Variants in LARP4 observed in about 807,000 individuals in gnomAD.
LARP4 encodes la-related protein 4.
A neutral mutation model predicts 92.9 loss-of-function variants in LARP4; 29 were observed. That is an observed-to-expected ratio of 0.31 (90% CI 0.23 to 0.43). The LOEUF is 0.43. Ranked by LOEUF, LARP4 falls within the 20% of genes least tolerant of loss-of-function variation. The pLI, the probability that LARP4 is intolerant of heterozygous loss-of-function variation, is 1.00. For missense variants in LARP4, 732 were observed against 860.0 expected, an observed-to-expected ratio of 0.85 and a Z score of 1.86; for synonymous variants, 279 against 284.1, an observed-to-expected ratio of 0.98 and a Z score of 0.18.
intron 4 of LARP4, 83 bp downstream of exon 4, chr12:50,430,653 TTA>T (rs1949511036): frequency 2.6e-6 from 2 of 781,256 alleles, no homozygotes; most frequent in African/African-American, 3.6e-5. Flanking sequence ...TGATTATTAT[TTA>T]ACTAATTTTT....
intron 1 of LARP4, among the ~76,000 whole-genome samples, chr12:50,427,060 A>G (rs1948909764): frequency 1.3e-5 from 2 of 152,074 alleles, no homozygotes; most frequent in African/African-American, 4.8e-5. Flanking sequence ...CTTAAATGGC[A>G]CTATTTAAAG....
chr12:50,458,260 CT>C (rs1471147841), intron 10 of LARP4, among the ~76,000 whole-genome samples: 4 of 151,816 alleles, frequency 2.6e-5, no homozygotes, highest in Admixed American at 6.6e-5. Flanking sequence ...ATAATTTTAT[CT>C]TTGTTTTTGT....
intron 8 of LARP4, among the ~76,000 whole-genome samples, chr12:50,453,197 G>T (rs1326974315): frequency 1.3e-5 from 2 of 151,542 alleles, no homozygotes; most frequent in African/African-American, 2.4e-5. Context: ...TTACAGGTGT[G>T]AGCCAGCACA....
In LARP4 at chr12:50,475,735, T is replaced by C. The variant is rs115165925; in HGVS notation, c.2046T>C (p.Asn682=). Residue 682 remains asparagine (N), a synonymous_variant, in exon 16 of 16, where the codon AAT becomes AAC. Transcript: ENST00000398473. ...ASKDYSGFRG[N]IIPRGAAGKI... ...AGGATTATTCTGGCTTCCGAGGCAA[T>C]ATAATCCCCAGGGGAGCAGCAGGAA... 4,912 of 1,613,930 alleles carry C rather than the reference T, an allele frequency of 3.0e-3. 115 individuals are homozygous for C. In the African/African-American group the frequency reaches 0.045, roughly 15 times the overall value.
intron 4 of LARP4, among the ~76,000 whole-genome samples, chr12:50,433,681 G>A (rs1258019519): frequency 2.0e-5 from 3 of 147,176 alleles, no homozygotes; most frequent in Admixed American, 6.9e-5. Flanking sequence ...ACTCTATTGC[G>A]TAGGCTGGAG....
At chr12:50,446,670 G>T (rs568035035) in intron 8 of LARP4, among the ~76,000 whole-genome samples, 1 of 150,408 alleles carries the variant, frequency 6.6e-6, no homozygotes, top group African/African-American at 2.5e-5. Flanking sequence ...CTTGTGATCC[G>T]CCCGCCTCAG....
Position 50,479,521 on chromosome 12 carries a change from T to A in LARP4, c.*3657T>A, listed in dbSNP as rs1477421003. On this transcript the variant is annotated 3_prime_UTR_variant, in exon 16 of 16. Coordinates refer to ENST00000398473, the MANE Select transcript of LARP4 (RefSeq NM_052879.5). The stretch of plus-strand genomic sequence containing the variant: ...AGCTGAATGAGGATATTTTAAGAAG[T>A]TGAAAGAGAATTTATTTTCAAGTTG... The A allele has an allele frequency of 6.6e-6, 1 of 152,182 alleles. No individual in the cohort carries two copies. Among genetic ancestry groups the A allele is most frequent in the Admixed American group, 6.6e-5 (1 of 15,266 alleles). 9.4% of individuals were successfully genotyped at this position (152,182 alleles called of 1,614,324 possible).
chr12:50,425,571 G>A (rs967468895), intron 1 of LARP4, among the ~76,000 whole-genome samples: 3 of 152,180 alleles, frequency 2.0e-5, no homozygotes, highest in African/African-American at 7.2e-5. Context: ...AAATTATGCT[G>A]TACCCAAAGA....
chr12:50,471,257 A>G (rs565507376), intron 13 of LARP4, among the ~76,000 whole-genome samples: 11 of 152,352 alleles, frequency 7.2e-5, no homozygotes, highest in African/African-American at 2.6e-4. Flanking sequence ...CTAGGTGATA[A>G]AACGGGGTGC....
intron 8 of LARP4, among the ~76,000 whole-genome samples, chr12:50,447,778 G>A (rs1345242602): frequency 6.6e-6 from 1 of 152,002 alleles, no homozygotes; most frequent in African/African-American, 2.4e-5. Flanking sequence ...TCAAACTCCT[G>A]ACTCAAGTGA....
At chr12:50,447,858 T>A (rs58097418) in intron 8 of LARP4, among the ~76,000 whole-genome samples, 17,473 of 150,910 alleles carry the variant, frequency 0.12, 1,854 homozygotes, top group African/African-American at 0.28. Flanking sequence ...TCCGCACCAC[T>A]CCCCCCCCAT....
intron 4 of LARP4, among the ~76,000 whole-genome samples, chr12:50,431,769 CG>C (rs1173404904): frequency 6.6e-6 from 1 of 152,092 alleles, no homozygotes; most frequent in Admixed American, 6.6e-5. Context: ...TCACTTGAAC[CG>C]GGGAGGTAGA....
intron 1 of LARP4, among the ~76,000 whole-genome samples, chr12:50,418,644 C>T (rs949324428): frequency 1.2e-4 from 18 of 152,062 alleles, no homozygotes; most frequent in African/African-American, 3.9e-4. Flanking sequence ...TGGTCTCGAA[C>T]TCCTGAGCTC....
chr12:50,478,050 T>C lies in LARP4; in HGVS notation c.*2186T>C, dbSNP rs1957655297. ...CTTTTTTTAAACAATGTGTCACAAATGTAGGTCTGTATTACTTGTATGCTT... is the reference window on the plus strand; with the variant it reads ...CTTTTTTTAAACAATGTGTCACAAACGTAGGTCTGTATTACTTGTATGCTT... On this transcript the variant is annotated 3_prime_UTR_variant, in exon 16 of 16. Transcript: ENST00000398473. 6.6e-6 allele frequency: 1 copy of C among 152,480 alleles called. No individual in the cohort carries two copies. The highest frequency in any genetic ancestry group is 1.5e-5 in the Non-Finnish European group (1 of 67,924). 9.4% of individuals were successfully genotyped at this position (152,480 alleles called of 1,614,324 possible). A position where few individuals can be genotyped will look rare whatever the true frequency, so the allele number is the denominator to read the frequency against.
intron 12 of LARP4, among the ~76,000 whole-genome samples, chr12:50,466,565 G>C (rs1956176008): frequency 6.6e-6 from 1 of 152,128 alleles, no homozygotes; most frequent in African/African-American, 2.4e-5. Context: ...AGTGAGCTAT[G>C]ATTGTGTCAC....
intron 1 of LARP4, among the ~76,000 whole-genome samples, chr12:50,403,518 A>G (rs1944257079): frequency 6.6e-6 from 1 of 152,240 alleles, no homozygotes; most frequent in Non-Finnish European, 1.5e-5. Flanking sequence ...GCGTTTCAAT[A>G]TAATTGGTTT....
Position 50,475,832 on chromosome 12 carries a change from G to A in LARP4, c.2143G>A (p.Glu715Lys), listed in dbSNP as rs199611225. 6 of 1,613,818 alleles carry A rather than the reference G, an allele frequency of 3.7e-6. No individual in the cohort carries two copies. The highest frequency in any genetic ancestry group is 1.7e-5 in the Admixed American group (1 of 59,990). Reference sequence around the variant, plus strand: ...GGGAGTGACTCGACGTAATGGCAAAGAGCAATATGTGCCACCCAGATCACC... The same window carrying A: ...GGGAGTGACTCGACGTAATGGCAAAAAGCAATATGTGCCACCCAGATCACC... ...PQGVTRRNGK[E>K]QYVPPRSPK Residue 715 changes from glutamate (E) to lysine (K), a missense_variant, in exon 16 of 16, where the codon GAG becomes AAG. Glu to Lys is a moderately conservative substitution (Grantham distance 56). Transcript: ENST00000398473.
intron 1 of LARP4, among the ~76,000 whole-genome samples, chr12:50,423,736 C>T (rs1255740389): frequency 2.0e-5 from 3 of 148,362 alleles, no homozygotes; most frequent in African/African-American, 7.5e-5. Context: ...CGTGAGCCAT[C>T]GTCCCCGGCC....
intron 1 of LARP4, among the ~76,000 whole-genome samples, chr12:50,423,381 A>G (rs879466472): frequency 6.6e-6 from 1 of 152,194 alleles, no homozygotes; most frequent in Non-Finnish European, 1.5e-5. Context: ...TTTGTGTAGT[A>G]TACTTTTGAG....
Sources: gnomAD v4.1 joint callset for allele counts (sites outside exome capture counted in the v4.1 genomes callset) on GRCh38, gnomAD v4.1.1 for gene constraint, MANE v1.5 for transcripts, NCBI Gene and HGNC (gene_info 2026-07-23, HGNC 2026-07-21) for gene names.